The following COP1 variants were observed in gnomAD, a reference collection of about 807,000 sequenced individuals.
The protein encoded by COP1 is E3 ubiquitin-protein ligase COP1.
A neutral mutation model predicts 101.3 loss-of-function variants in COP1; 24 were observed. That is an observed-to-expected ratio of 0.24 (90% confidence interval 0.17 to 0.33). The LOEUF is 0.33. Ranked by LOEUF, COP1 falls within the 10% of genes least tolerant of loss-of-function variation. The pLI, the probability that COP1 is intolerant of heterozygous loss-of-function variation, is 1.00. For missense variants in COP1, 663 were observed against 906.2 expected (o/e 0.73, Z 3.45); for synonymous variants, 347 against 341.9 (o/e 1.01, Z -0.17).
chr1:176,045,908 C>T (rs77947052), intron 12 of COP1, among the ~76,000 whole-genome samples: 7,261 of 151,452 alleles, frequency 0.048, 260 homozygotes, highest in Middle Eastern at 0.11. Context: ...TCTCCAACAA[C>T]CATGTCCAAC....
chr1:176,158,972 A>T (rs961738167), intron 5 of COP1, among the ~76,000 whole-genome samples: 1 of 152,138 alleles, frequency 6.6e-6, no homozygotes, highest in Non-Finnish European at 1.5e-5. Context: ...GAAGTAGTAT[A>T]ATATTACTTT....
At chr1:176,171,801 C>T (rs145583834) in intron 3 of COP1, among the ~76,000 whole-genome samples, 1 of 152,194 alleles carries the variant, frequency 6.6e-6, no homozygotes, top group East Asian at 1.9e-4. Flanking sequence ...GAATTTCAAG[C>T]ACGGAAATAG....
At chr1:176,002,730 C>T (rs1662026567) in intron 15 of COP1, among the ~76,000 whole-genome samples, 1 of 147,948 alleles carries the variant, frequency 6.8e-6, no homozygotes, top group East Asian at 2.0e-4. Flanking sequence ...TGTATATGTG[C>T]CACATTTTCT....
intron 9 of COP1, among the ~76,000 whole-genome samples, chr1:176,104,415 G>A (rs1683950642): frequency 6.6e-6 from 1 of 152,048 alleles, no homozygotes; most frequent in Non-Finnish European, 1.5e-5. Context: ...TAACAGACTA[G>A]TATTCCTAAT....
chr1:175,976,696 T>C (rs1392649291), intron 18 of COP1, among the ~76,000 whole-genome samples: 1 of 152,218 alleles, frequency 6.6e-6, no homozygotes, highest in Non-Finnish European at 1.5e-5. Context: ...AGCAAAAATA[T>C]GATAAAGGCA....
chr1:175,947,107 A>C lies in COP1; in HGVS notation c.2178+88T>G. The C allele has an allele frequency of 2.2e-6, 2 of 907,822 alleles. 1 individual carries two copies. The highest frequency in any genetic ancestry group is 3.8e-5 in the Admixed American group (2 of 52,838). The allele number at this position is 907,822 out of a possible 1,614,324, so 56.2% of individuals were successfully genotyped here. On this transcript the variant is annotated intron_variant, in intron 19 of 19. Transcript: ENST00000367669. ...GACCCATGATTTGGGATGATCTCTA[A>C]GGCTCAGTACAATGGTGTATTTCTA... is the stretch of plus-strand genomic sequence containing the variant.
chr1:176,045,054 G>A (rs566815849), intron 12 of COP1, among the ~76,000 whole-genome samples: 1 of 152,308 alleles, frequency 6.6e-6, no homozygotes, highest in Admixed American at 6.5e-5. Context: ...TAAGGGCACA[G>A]ACTCTAGAAC....
intron 14 of COP1, 26 bp from the exon 15 acceptor site, chr1:176,027,714 A>G (rs1161846228): frequency 7.2e-7 from 1 of 1,379,452 alleles, no homozygotes; most frequent in South Asian, 1.2e-5. Context: ...AATAAAAACA[A>G]AAAGAGAAAC....
chr1:176,102,848 G>A (rs917050977), intron 9 of COP1, among the ~76,000 whole-genome samples: 2 of 152,130 alleles, frequency 1.3e-5, no homozygotes, highest in Non-Finnish European at 1.5e-5. Flanking sequence ...ATCTGATCTT[G>A]TGGCCCTGGC....
At chr1:176,140,745 C>T (rs750975623) in intron 6 of COP1, among the ~76,000 whole-genome samples, 7 of 152,090 alleles carry the variant, frequency 4.6e-5, no homozygotes, top group Non-Finnish European at 8.8e-5. Flanking sequence ...GAAAATCAAT[C>T]ACAAATTAGG....
rs567594589 is a variant in COP1, at chr1:175,982,435, T to C, written c.2133+4508A>G. The C allele has an allele frequency of 7.1e-4, 322 of 456,302 alleles. 1 individual carries two copies. The highest frequency in any genetic ancestry group is 5.9e-3 in the African/African-American group (295 of 50,198). The allele number at this position is 456,302 out of a possible 1,614,324, so 28.3% of individuals were successfully genotyped here. On this transcript the variant is annotated intron_variant, in intron 18 of 19. Coordinates refer to ENST00000367669, the MANE Select transcript of COP1 (RefSeq NM_022457.7). ...ACCAACCCCACTTCTTTCTCCTCCT[T>C]CTCAGCCTACTCCATGTGAAGATGA...
At chr1:176,202,129 C>G (rs1700321424) in intron 1 of COP1, among the ~76,000 whole-genome samples, 1 of 151,480 alleles carries the variant, frequency 6.6e-6, no homozygotes, top group Non-Finnish European at 1.5e-5. Context: ...ACATACATTG[C>G]TGCACAAACT....
intron 11 of COP1, among the ~76,000 whole-genome samples, chr1:176,073,046 A>T (rs922103831): frequency 2.6e-5 from 4 of 152,192 alleles, no homozygotes; most frequent in African/African-American, 9.6e-5. Flanking sequence ...CCTGTATCCA[A>T]ATCTCAGTTC....
chr1:175,999,989 C>G (rs1270673308), intron 15 of COP1, among the ~76,000 whole-genome samples: 2 of 151,824 alleles, frequency 1.3e-5, no homozygotes, highest in Non-Finnish European at 2.9e-5. Flanking sequence ...GTCTGAGCTC[C>G]TTATATATTC....
intron 11 of COP1, among the ~76,000 whole-genome samples, chr1:176,063,251 G>A (rs1458893398): frequency 1.3e-5 from 2 of 151,234 alleles, no homozygotes; most frequent in Non-Finnish European, 2.9e-5. Context: ...TAGTAGAGAC[G>A]GGGTTTCACC....
chr1:176,114,352 G>T (rs1168955096), intron 9 of COP1, among the ~76,000 whole-genome samples: 1 of 152,082 alleles, frequency 6.6e-6, no homozygotes, highest in Non-Finnish European at 1.5e-5. Context: ...AATACAGGAT[G>T]ATGTACAGAG....
At chr1:176,125,449 T>C (rs1450296389) in intron 8 of COP1, among the ~76,000 whole-genome samples, 3 of 152,170 alleles carry the variant, frequency 2.0e-5, no homozygotes, top group South Asian at 2.1e-4. Context: ...AACATAAATA[T>C]CCAGTTTTCC....
intron 15 of COP1, among the ~76,000 whole-genome samples, chr1:176,010,126 A>G (rs1199412747): frequency 2.0e-5 from 3 of 152,090 alleles, no homozygotes; most frequent in Non-Finnish European, 2.9e-5. Flanking sequence ...ATGTTTCACC[A>G]TATTTGCTTT....
At chr1:176,063,057 TTTTTTTTTTTTTTGAGACGGAGTCTCGC>T (rs1675220715) in intron 11 of COP1, among the ~76,000 whole-genome samples, 1 of 139,230 alleles carries the variant, frequency 7.2e-6, no homozygotes, top group Non-Finnish European at 1.6e-5. Context: ...GTTTTTTTTT[TTTTTTTTTTTTTTGAGACGGAGTCTCGC>T]TCTGTCGCCC....
Sources: allele counts gnomAD v4.1 joint callset (sites outside exome capture counted in the v4.1 genomes callset), GRCh38; gene constraint gnomAD v4.1.1; transcripts MANE v1.5; gene names NCBI Gene and HGNC (gene_info 2026-07-23, HGNC 2026-07-21).